The following PM20D2 variants were observed in gnomAD, a reference collection of about 807,000 sequenced individuals.
PM20D2 encodes xaa-Arg dipeptidase.
PM20D2 carries 33 observed loss-of-function variants against 42.9 expected under a neutral mutation model. That is an observed-to-expected ratio of 0.77 (90% CI 0.58 to 1.03). The LOEUF (loss-of-function observed/expected upper bound fraction) is 1.03. Among genes scored for constraint, PM20D2 ranks in the 50% least tolerant of loss-of-function variants. The pLI is 0.00. For missense variants in PM20D2, 548 were observed against 557.0 expected (o/e 0.98, Z 0.16); for synonymous variants, 250 against 228.2 (o/e 1.10, Z -0.86).
the PM20D2 span, among the ~76,000 whole-genome samples, chr6:89,137,310 G>T: frequency 1.3e-5 from 2 of 152,146 alleles, no homozygotes; most frequent in Non-Finnish European, 2.9e-5. Flanking sequence ...ATTCCTTGAG[G>T]CCAGAAGTTT....
At chr6:89,127,699 A>T in the PM20D2 span, among the ~76,000 whole-genome samples, 1,943 of 152,280 alleles carry the variant, frequency 0.013, 14 homozygotes, top group Non-Finnish European at 0.02. Flanking sequence ...GTAATAATGG[A>T]AGTGTTCTAT....
At chr6:89,118,911 C>T in the PM20D2 span, among the ~76,000 whole-genome samples, 3 of 152,168 alleles carry the variant, frequency 2.0e-5, no homozygotes, top group African/African-American at 7.2e-5. Context: ...ATGTTGTAGC[C>T]CATCCCCTTC....
chr6:89,126,448 G>T, the PM20D2 span, among the ~76,000 whole-genome samples: 1 of 151,846 alleles, frequency 6.6e-6, no homozygotes, highest in African/African-American at 2.4e-5. Context: ...CACTTTGGGA[G>T]ACCGAGGCGG....
At chr6:89,100,749 T>C in the PM20D2 span, among the ~76,000 whole-genome samples, 1 of 152,030 alleles carries the variant, frequency 6.6e-6, no homozygotes, top group Non-Finnish European at 1.5e-5. Context: ...AAACTAAAAA[T>C]ATATGATATC....
chr6:89,147,541 C>G (rs1357749879), intron 1 of PM20D2, among the ~76,000 whole-genome samples: 1 of 151,894 alleles, frequency 6.6e-6, no homozygotes, highest in African/African-American at 2.4e-5. Flanking sequence ...CATGCTTTGC[C>G]ATGTCACAAA....
the PM20D2 span, among the ~76,000 whole-genome samples, chr6:89,095,308 C>G: frequency 6.6e-6 from 1 of 152,200 alleles, no homozygotes; most frequent in African/African-American, 2.4e-5. Flanking sequence ...TCTCTGCAAA[C>G]TCCACCTTCC....
the PM20D2 span, among the ~76,000 whole-genome samples, chr6:89,128,299 G>C: frequency 6.6e-5 from 10 of 152,154 alleles, no homozygotes; most frequent in Non-Finnish European, 1.5e-4. Context: ...TCTGTCTTAT[G>C]CAGTTGAGAT....
At chr6:89,095,259 T>C in the PM20D2 span, among the ~76,000 whole-genome samples, 2 of 152,252 alleles carry the variant, frequency 1.3e-5, no homozygotes, top group African/African-American at 4.8e-5. Context: ...AGTGTCTTAC[T>C]CTGTAGCCCA....
the PM20D2 span, among the ~76,000 whole-genome samples, chr6:89,140,131 G>C: frequency 4.3e-3 from 572 of 133,122 alleles, 8 homozygotes; most frequent in African/African-American, 0.022. Context: ...TTGTAGAGAT[G>C]GGGGGGTGGT....
chr6:89,124,066 G>A, the PM20D2 span, among the ~76,000 whole-genome samples: 1 of 152,122 alleles, frequency 6.6e-6, no homozygotes, highest in African/African-American at 2.4e-5. Context: ...AAACCATGTT[G>A]GAAATTCCAG....
intron 3 of PM20D2, among the ~76,000 whole-genome samples, chr6:89,153,735 T>C (rs2127778137): frequency 6.6e-6 from 1 of 152,166 alleles, no homozygotes; most frequent in African/African-American, 2.4e-5. Flanking sequence ...ATAGCTGGGA[T>C]TACAGGCAGG....
At chr6:89,105,153 C>T in the PM20D2 span, 3 of 1,612,478 alleles carry the variant, frequency 1.9e-6, no homozygotes, top group Non-Finnish European at 2.5e-6. Flanking sequence ...CTATTTCTTC[C>T]CCATGAAGAA....
At chr6:89,158,182 A>C in intron 4 of PM20D2, 143 bp from the exon 5 acceptor site, 1 of 701,340 alleles carries the variant, frequency 1.4e-6, no homozygotes, top group Non-Finnish European at 2.3e-6. Context: ...TTTTTAAGGT[A>C]AGAGATTTGA....
upstream of PM20D2, among the ~76,000 whole-genome samples, chr6:89,145,114 AG>A (rs1770478956): frequency 6.6e-6 from 1 of 152,240 alleles, no homozygotes; most frequent in African/African-American, 2.4e-5. Flanking sequence ...AGCTGATAGA[AG>A]CTTTTAATAT....
the PM20D2 span, among the ~76,000 whole-genome samples, chr6:89,094,127 G>T: frequency 6.6e-6 from 1 of 151,544 alleles, no homozygotes; most frequent in Non-Finnish European, 1.5e-5. Context: ...CACCATGTTG[G>T]CCATGCTGGT....
chr6:89,101,813 T>A, the PM20D2 span, among the ~76,000 whole-genome samples: 1 of 151,982 alleles, frequency 6.6e-6, no homozygotes, highest in Admixed American at 6.6e-5. Flanking sequence ...AGAAAAACAA[T>A]GGAATGACAT....
the PM20D2 span, among the ~76,000 whole-genome samples, chr6:89,139,089 A>T: frequency 1.3e-5 from 2 of 152,112 alleles, no homozygotes; most frequent in Non-Finnish European, 2.9e-5. Context: ...GGAACATTTT[A>T]ATCTTTGCTT....
chr6:89,132,523 G>A, the PM20D2 span, among the ~76,000 whole-genome samples: 1 of 151,322 alleles, frequency 6.6e-6, no homozygotes, highest in African/African-American at 2.5e-5. Context: ...CAAAGTTTGA[G>A]TGAACAAATT....
At chr6:89,134,465 C>T in the PM20D2 span, among the ~76,000 whole-genome samples, 2 of 151,156 alleles carry the variant, frequency 1.3e-5, no homozygotes, top group Non-Finnish European at 1.5e-5. Context: ...TTATCCTACC[C>T]CTTCAGCTCG....
Sources: allele counts gnomAD v4.1 joint callset (sites outside exome capture counted in the v4.1 genomes callset), GRCh38; gene constraint gnomAD v4.1.1; transcripts MANE v1.5; gene names NCBI Gene and HGNC (gene_info 2026-07-23, HGNC 2026-07-21).